CCDC3: variants seen among roughly 807,000 people sequenced by gnomAD.
CCDC3 encodes coiled-coil domain containing 3, also known as coiled-coil domain-containing protein 3.
Under a neutral mutation model 21.4 loss-of-function variants are expected in CCDC3, and 24 were observed. The observed-to-expected ratio is 1.12, with a 90% CI of 0.81 to 1.58. The LOEUF (loss-of-function observed/expected upper bound fraction) is 1.58. Ranked by LOEUF, CCDC3 falls within the 40% of genes most tolerant of loss-of-function variation. The pLI is 0.00. For missense variants in CCDC3, 425 were observed against 360.9 expected, an observed-to-expected ratio of 1.18 and a Z score of -1.44; for synonymous variants, 186 against 166.0, an observed-to-expected ratio of 1.12 and a Z score of -0.93.
intron 5 of CCDC3, among the ~76,000 whole-genome samples, chr10:13,010,977 C>T (rs759713420): frequency 2.6e-5 from 4 of 152,074 alleles, no homozygotes; most frequent in South Asian, 2.1e-4. Flanking sequence ...GTCAGGAGCT[C>T]GAGATCAGCC....
intron 2 of CCDC3, among the ~76,000 whole-genome samples, chr10:12,988,564 G>C (rs1287391051): frequency 6.6e-6 from 1 of 152,176 alleles, no homozygotes; most frequent in Admixed American, 6.5e-5. Context: ...AGCTGGTCTT[G>C]AACTCCTGAC....
chr10:12,960,152 TCACACACACACACACAA>T (rs1284807081), intron 2 of CCDC3, among the ~76,000 whole-genome samples: 3 of 99,736 alleles, frequency 3.0e-5, no homozygotes, highest in African/African-American at 4.1e-5. Flanking sequence ...AGACTCCATT[TCACACACACACACACAA>T]CACACACACA....
At chr10:12,981,962 A>C (rs1835504190) in intron 2 of CCDC3, among the ~76,000 whole-genome samples, 1 of 151,690 alleles carries the variant, frequency 6.6e-6, no homozygotes, top group South Asian at 2.1e-4. Flanking sequence ...GTCTTTACTA[A>C]AAATACAAAA....
Position 13,039,019 on chromosome 10 carries a change from C to A in CCDC3, c.-2+10655G>T, listed in dbSNP as rs11258150. On this transcript the variant is annotated intron_variant, in intron 5 of 6. Coordinates refer to the CCDC3 transcript ENST00000378839. ...AGATAATGTAACTCCAAGAGAAATT[C>A]TTTGACAAAATATCTCGGAGAGCTC... 2.7e-3 allele frequency among the ~76,000 whole-genome samples: 418 copies of A among 152,298 alleles called. 2 individuals are homozygous for A. Among genetic ancestry groups the A allele is most frequent in the South Asian group, 9.7e-3 (47 of 4,826 alleles).
chr10:12,946,962 G>A lies in CCDC3; in HGVS notation c.550-48283C>T, dbSNP rs548777986. On this transcript the variant is annotated intron_variant, in intron 2 of 2. Transcript: ENST00000378825. ...GGAAGCCAAGAAGAAATAGAAAACCGAACGGAAAAGCAAAAGACAGAGGCC... is the reference window on the plus strand; with the variant it reads ...GGAAGCCAAGAAGAAATAGAAAACCAAACGGAAAAGCAAAAGACAGAGGCC... Among the ~76,000 whole-genome samples the A allele has an allele frequency of 5.9e-5, 9 of 152,214 alleles. No homozygotes were observed. In the South Asian group the frequency reaches 6.2e-4, roughly 11 times the overall value.
intron 2 of CCDC3, among the ~76,000 whole-genome samples, chr10:12,912,969 A>G (rs1834293316): frequency 6.6e-6 from 1 of 152,164 alleles, no homozygotes; most frequent in Non-Finnish European, 1.5e-5. Context: ...GTAGATTTCT[A>G]TTTTTAGGCC....
intron 1 of CCDC3, among the ~76,000 whole-genome samples, chr10:12,999,173 G>A (rs1360199885): frequency 6.6e-6 from 1 of 152,170 alleles, no homozygotes; most frequent in Non-Finnish European, 1.5e-5. Flanking sequence ...CTAGGAGGCG[G>A]AGGATGCAGT....
chr10:13,058,415 A>T (rs1836710589), intron 4 of CCDC3: 1 of 815,356 alleles, frequency 1.2e-6, no homozygotes. Flanking sequence ...GCCAACCTTC[A>T]CACCGTATTT....
At chr10:13,094,336 G>A (rs199746602) in intron 3 of CCDC3, among the ~76,000 whole-genome samples, 2 of 152,086 alleles carry the variant, frequency 1.3e-5, no homozygotes, top group East Asian at 3.9e-4. Context: ...TCGGCTCACT[G>A]CAACCTCCAC....
chr10:12,932,726 C>T (rs535811995), intron 2 of CCDC3, among the ~76,000 whole-genome samples: 1 of 152,114 alleles, frequency 6.6e-6, no homozygotes, highest in Non-Finnish European at 1.5e-5. Context: ...CAGAGGACAT[C>T]CTTGCCTTGT....
chr10:12,900,709 A>AC (rs933074055), intron 2 of CCDC3, among the ~76,000 whole-genome samples: 7 of 147,070 alleles, frequency 4.8e-5, no homozygotes, highest in Non-Finnish European at 9.0e-5. Context: ...AAAAAAAAAA[A>AC]CAAACTCCAT....
chr10:13,047,730 TG>T (rs1174815778), intron 5 of CCDC3, among the ~76,000 whole-genome samples: 2 of 152,178 alleles, frequency 1.3e-5, no homozygotes, highest in Admixed American at 6.5e-5. Context: ...CTGTTAGCCA[TG>T]GGCCTCTCTA....
At chr10:12,972,301 C>T (rs1835355802) in intron 2 of CCDC3, among the ~76,000 whole-genome samples, 1 of 152,188 alleles carries the variant, frequency 6.6e-6, no homozygotes, top group African/African-American at 2.4e-5. Flanking sequence ...ACTTCCAAAG[C>T]CACCTGGAGA....
At chr10:13,064,512 G>T (rs940838717) in intron 4 of CCDC3, among the ~76,000 whole-genome samples, 1 of 152,114 alleles carries the variant, frequency 6.6e-6, no homozygotes, top group Admixed American at 6.5e-5. Context: ...TGCCCAAGGT[G>T]GTCAGGGCAC....
At chr10:12,933,355 TC>T (rs1355602993) in intron 2 of CCDC3, among the ~76,000 whole-genome samples, 2 of 152,248 alleles carry the variant, frequency 1.3e-5, no homozygotes, top group Admixed American at 6.5e-5. Context: ...AGATTCTCTT[TC>T]TTTTTACATG....
At chr10:12,945,151 T>C in intron 2 of CCDC3, among the ~76,000 whole-genome samples, 1 of 152,226 alleles carries the variant, frequency 6.6e-6, no homozygotes, top group Non-Finnish European at 1.5e-5. Flanking sequence ...TTATGATTCA[T>C]AAATTTGTCA....
intron 5 of CCDC3, among the ~76,000 whole-genome samples, chr10:13,010,135 C>T (rs796830921): frequency 1.3e-5 from 2 of 152,222 alleles, no homozygotes; most frequent in African/African-American, 4.8e-5. Context: ...GTAGTCCCAG[C>T]TACTAGGGAG....
intron 3 of CCDC3, among the ~76,000 whole-genome samples, chr10:13,092,129 A>G (rs553048857): frequency 3.3e-5 from 5 of 152,218 alleles, no homozygotes; most frequent in Non-Finnish European, 5.9e-5. Flanking sequence ...AGTTCGCTTG[A>G]GCCAACCAAG....
Position 12,998,423 on chromosome 10 carries a change from GA to G in CCDC3, c.463del (p.Ser155LeufsTer67), listed in dbSNP as rs758735653. On this transcript the variant is annotated frameshift_variant, in exon 2 of 3. Coordinates refer to ENST00000378825, the MANE Select transcript of CCDC3 (RefSeq NM_031455.4). LOFTEE classifies it high-confidence loss of function. ...ACAGTTTGAAAACTGGAAAAGGCTA[GA>G]AAACATCCTTCTGTTCTCTTGAGTG... ...PDTQENRRMF[S>X]SLFQFSNCSQ... The G allele has an allele frequency of 1.4e-4, 223 of 1,614,200 alleles. No individual in the cohort carries two copies. In the South Asian group the frequency reaches 1.9e-3, roughly 14 times the overall value.
Sources: allele counts gnomAD v4.1 joint callset (sites outside exome capture counted in the v4.1 genomes callset), GRCh38; gene constraint gnomAD v4.1.1; transcripts MANE v1.5; gene names NCBI Gene and HGNC (gene_info 2026-07-23, HGNC 2026-07-21).